The following CSMD1 variants were observed in gnomAD, a reference collection of about 807,000 sequenced individuals.
CSMD1 encodes the protein CUB and sushi domain-containing protein 1.
Under a neutral mutation model 417.5 loss-of-function variants are expected in CSMD1, and 213 were observed. That is an observed-to-expected ratio of 0.51 (90% confidence interval 0.46 to 0.57). The LOEUF (loss-of-function observed/expected upper bound fraction) is 0.57, where lower values mean the gene tolerates loss of function less well. Among genes scored for constraint, CSMD1 ranks in the 20% least tolerant of loss-of-function variants. The pLI is 0.00. For synonymous variants in CSMD1, 2,862 were observed against 1,736.8 expected (o/e 1.65, Z -16.11); for missense variants, 6,923 against 4,529.7 (o/e 1.53, Z -15.17).
intron 2 of CSMD1, among the ~76,000 whole-genome samples, chr8:4,627,898 G>A (rs1184353898): frequency 6.6e-6 from 1 of 151,996 alleles, no homozygotes; most frequent in Non-Finnish European, 1.5e-5. Flanking sequence ...ACACTTCTTT[G>A]TCATGTGAGA....
chr8:4,983,650 G>A (rs1210120157), intron 1 of CSMD1, among the ~76,000 whole-genome samples: 1 of 152,010 alleles, frequency 6.6e-6, no homozygotes, highest in Admixed American at 6.6e-5. Flanking sequence ...AACCTCCCAT[G>A]TAGCTTGGAT....
chr8:4,937,123 G>C (rs1807672743), intron 1 of CSMD1, among the ~76,000 whole-genome samples: 1 of 152,280 alleles, frequency 6.6e-6, no homozygotes, highest in East Asian at 1.9e-4. Flanking sequence ...TGAAGGTGGA[G>C]GACTGCTTGG....
At chr8:4,291,805 G>C (rs1018669015) in intron 3 of CSMD1, among the ~76,000 whole-genome samples, 2 of 152,168 alleles carry the variant, frequency 1.3e-5, no homozygotes, top group African/African-American at 2.4e-5. Flanking sequence ...GTAATATCTG[G>C]TTCTGAAATG....
chr8:3,678,505 T>C (rs1799494296), intron 7 of CSMD1, among the ~76,000 whole-genome samples: 1 of 151,974 alleles, frequency 6.6e-6, no homozygotes, highest in Non-Finnish European at 1.5e-5. Context: ...TAAAAAGAAA[T>C]GAACAAAGCC....
rs1264415855 is a variant in CSMD1 at position 3,408,170 on chromosome 8, A to G, written c.1800T>C (p.Tyr600=). Reference sequence around the variant, plus strand: ...TCATGTTGTTCCCATATTCCTCTGGATAATTTGGTGACAGAATAATCCCAG... The same window carrying G: ...TCATGTTGTTCCCATATTCCTCTGGGTAATTTGGTGACAGAATAATCCCAG... ...ASSGIILSPN[Y]PEEYGNNMNC... is the part of the protein sequence containing the mutation. Residue 600 remains tyrosine (Y), a synonymous_variant, in exon 14 of 70, where the codon TAT becomes TAC. Transcript: ENST00000635120. 3 of 1,612,792 alleles carry G rather than the reference A, an allele frequency of 1.9e-6. No individual in the cohort carries two copies. The South Asian group carries it at 3.3e-5, about 18-fold the overall frequency.
At chr8:4,487,099 C>T (rs1801452924) in intron 2 of CSMD1, among the ~76,000 whole-genome samples, 1 of 152,008 alleles carries the variant, frequency 6.6e-6, no homozygotes, top group African/African-American at 2.4e-5. Flanking sequence ...GCCATCTTAG[C>T]CTCAAGGAAG....
chr8:4,671,406 C>G (rs1161953870), intron 1 of CSMD1, among the ~76,000 whole-genome samples: 1 of 152,130 alleles, frequency 6.6e-6, no homozygotes, highest in Non-Finnish European at 1.5e-5. Context: ...ACTAGAAACT[C>G]TTCATGAGGA....
chr8:3,681,838 C>G (rs894980892), intron 7 of CSMD1, among the ~76,000 whole-genome samples: 1 of 152,154 alleles, frequency 6.6e-6, no homozygotes, highest in Non-Finnish European at 1.5e-5. Flanking sequence ...GGTACCAAAA[C>G]AGAGATATAG....
chr8:4,632,111 G>T (rs1237554642), intron 2 of CSMD1, among the ~76,000 whole-genome samples: 1 of 152,254 alleles, frequency 6.6e-6, no homozygotes, highest in East Asian at 1.9e-4. Flanking sequence ...CACATGGGAT[G>T]GTTGACTCAC....
At chr8:4,676,907 G>T (rs978495234) in intron 1 of CSMD1, among the ~76,000 whole-genome samples, 1 of 147,884 alleles carries the variant, frequency 6.8e-6, no homozygotes, top group African/African-American at 2.5e-5. Flanking sequence ...AGATATACAG[G>T]AATTTTATAT....
intron 27 of CSMD1, among the ~76,000 whole-genome samples, chr8:3,224,746 G>A (rs1270732659): frequency 6.6e-6 from 1 of 152,146 alleles, no homozygotes; most frequent in African/African-American, 2.4e-5. Flanking sequence ...AGCTCAATGT[G>A]GTTAATAGGC....
intron 12 of CSMD1, among the ~76,000 whole-genome samples, chr8:3,446,808 T>C (rs922656090): frequency 4.6e-5 from 7 of 152,224 alleles, no homozygotes; most frequent in African/African-American, 1.7e-4. Context: ...AATATAAATA[T>C]GTATGGGTGG....
chr8:4,439,608 G>A lies in CSMD1; in HGVS notation c.303-19543C>T, dbSNP rs1477956740. 2.0e-5 allele frequency among the ~76,000 whole-genome samples: 3 copies of A among 152,178 alleles called. No homozygotes were observed. In the East Asian group the frequency reaches 5.8e-4, roughly 29 times the overall value. Reference sequence around the variant, plus strand: ...TTATTATTAACATACTTACATATTTGTTTTAAGGTAAAGTAAAACAGCACC... The same window carrying A: ...TTATTATTAACATACTTACATATTTATTTTAAGGTAAAGTAAAACAGCACC... On this transcript the variant is annotated intron_variant, in intron 2 of 69. Coordinates refer to ENST00000635120, the MANE Select transcript of CSMD1 (RefSeq NM_033225.6).
intron 5 of CSMD1, among the ~76,000 whole-genome samples, chr8:3,965,089 C>T (rs1416473979): frequency 1.3e-5 from 2 of 152,172 alleles, no homozygotes; most frequent in South Asian, 4.1e-4. Flanking sequence ...CAGTAGCTGA[C>T]TTAGTAAATG....
At chr8:4,413,786 C>T (rs1796780583) in intron 3 of CSMD1, among the ~76,000 whole-genome samples, 1 of 152,072 alleles carries the variant, frequency 6.6e-6, no homozygotes, top group Non-Finnish European at 1.5e-5. Flanking sequence ...ATTTCGGTAG[C>T]TTCTGGCAAC....
chr8:4,378,454 G>C (rs1802892471), intron 3 of CSMD1, among the ~76,000 whole-genome samples: 1 of 152,160 alleles, frequency 6.6e-6, no homozygotes, highest in Non-Finnish European at 1.5e-5. Flanking sequence ...ATTATTCTCT[G>C]TCTAGCACTC....
At chr8:4,807,782 C>A (rs1057385996) in intron 1 of CSMD1, among the ~76,000 whole-genome samples, 1 of 152,060 alleles carries the variant, frequency 6.6e-6, no homozygotes, top group African/African-American at 2.4e-5. Context: ...AGCTCTATAT[C>A]TGACATAGAA....
chr8:3,945,409 T>A (rs1048036658), intron 5 of CSMD1, among the ~76,000 whole-genome samples: 1 of 152,000 alleles, frequency 6.6e-6, no homozygotes, highest in Non-Finnish European at 1.5e-5. Context: ...TTAACTTTTT[T>A]GGGGGGGCAT....
intron 1 of CSMD1, among the ~76,000 whole-genome samples, chr8:4,799,169 C>G (rs570345270): frequency 2.4e-4 from 36 of 152,078 alleles, no homozygotes; most frequent in Admixed American, 5.2e-4. Flanking sequence ...CATAAAGTCA[C>G]TACATGACAG....
Sources: gnomAD v4.1 joint callset for allele counts (sites outside exome capture counted in the v4.1 genomes callset) on GRCh38, gnomAD v4.1.1 for gene constraint, MANE v1.5 for transcripts, NCBI Gene and HGNC (gene_info 2026-07-23, HGNC 2026-07-21) for gene names.